ACVR2B: variants seen among roughly 807,000 people sequenced by gnomAD.
ACVR2B encodes the protein activin A receptor type 2B.
In ACVR2B, 18 loss-of-function variants were observed where a neutral mutation model predicts 65.1. The ratio of observed to expected loss-of-function variants is 0.28; its 90% CI spans 0.19 to 0.41. The LOEUF (loss-of-function observed/expected upper bound fraction) is 0.41. ACVR2B is among the 10% of genes least tolerant of loss of function. The pLI is 1.00. For synonymous variants in ACVR2B, 298 were observed against 277.7 expected (o/e 1.07, Z -0.73); for missense variants, 482 against 682.7 (o/e 0.71, Z 3.28).
In ACVR2B at chr3:38,454,202, A is replaced by G; in HGVS notation, c.-121A>G. ...ACGAAGGCGCAGGAAGCGCGCAGGGAACGAGACCGAAGGAAGGAGCGGGAA... is the reference window on the plus strand; with the variant it reads ...ACGAAGGCGCAGGAAGCGCGCAGGGGACGAGACCGAAGGAAGGAGCGGGAA... On this transcript the variant is annotated 5_prime_UTR_variant, in exon 1 of 11. Coordinates refer to ENST00000352511, the MANE Select transcript of ACVR2B (RefSeq NM_001106.4). 1.4e-6 allele frequency: 1 copy of G among 724,150 alleles called. No homozygotes were observed. Among genetic ancestry groups the G allele is most frequent in the Non-Finnish European group, 1.8e-6 (1 of 554,864 alleles). 44.9% of individuals were successfully genotyped at this position (724,150 alleles called of 1,614,324 possible). A position where few individuals can be genotyped will look rare whatever the true frequency, so the allele number is the denominator to read the frequency against.
intron 5 of ACVR2B, 137 bp downstream of exon 5, chr3:38,478,655 A>T: frequency 8.3e-7 from 1 of 1,205,098 alleles, no homozygotes. Context: ...GGGCCTAGTT[A>T]CTCATGTTAC....
At chr3:38,478,755 C>T (rs1709960451) in intron 5 of ACVR2B, among the ~76,000 whole-genome samples, 1 of 152,108 alleles carries the variant, frequency 6.6e-6, no homozygotes, top group Non-Finnish European at 1.5e-5. Flanking sequence ...GCCCCGGTTA[C>T]CAGGGTTTTG....
chr3:38,491,243 C>G lies in ACVR2B; in HGVS notation c.*7911C>G, dbSNP rs751170045. The G allele has an allele frequency of 1.3e-5, 2 of 152,544 alleles. No homozygotes were observed. The highest frequency in any genetic ancestry group is 1.3e-4 in the Admixed American group (2 of 15,280). 9.4% of individuals were successfully genotyped at this position (152,544 alleles called of 1,614,324 possible). A position where few individuals can be genotyped will look rare whatever the true frequency, so the allele number is the denominator to read the frequency against. On this transcript the variant is annotated 3_prime_UTR_variant, in exon 11 of 11. Transcript: ENST00000352511. ...TTTAATTAACCAGCAGTCACCGCATCTGAATTTTTGTCTCTGGGGCATAGA... is the reference window on the plus strand; with the variant it reads ...TTTAATTAACCAGCAGTCACCGCATGTGAATTTTTGTCTCTGGGGCATAGA...
rs2125733931 is a variant in ACVR2B, at chr3:38,492,514, T to A, written c.*9182T>A. ...TTGGCTCAAATAAGTACTGTTTGTA[T>A]ACCAGGATATGTGAGATGTAAATGT... On this transcript the variant is annotated 3_prime_UTR_variant, in exon 11 of 11. Coordinates refer to ENST00000352511, the MANE Select transcript of ACVR2B (RefSeq NM_001106.4). 1 of 152,400 alleles carries A rather than the reference T, an allele frequency of 6.6e-6. No homozygotes were observed. Among genetic ancestry groups the A allele is most frequent in the African/African-American group, 2.4e-5 (1 of 41,558 alleles). 9.4% of individuals were successfully genotyped at this position (152,400 alleles called of 1,614,324 possible). A position where few individuals can be genotyped will look rare whatever the true frequency, so the allele number is the denominator to read the frequency against.
intron 1 of ACVR2B, among the ~76,000 whole-genome samples, chr3:38,472,673 G>C (rs755419215): frequency 1.3e-5 from 2 of 152,098 alleles, no homozygotes; most frequent in Non-Finnish European, 2.9e-5. Flanking sequence ...CTGGCTGCTG[G>C]GGTCACAGTT....
Position 38,487,158 on chromosome 3 carries a change from A to G in ACVR2B, c.*3826A>G, listed in dbSNP as rs1710137270. 1 of 152,360 alleles carries G rather than the reference A, an allele frequency of 6.6e-6. No homozygotes were observed. Among genetic ancestry groups the G allele is most frequent in the Non-Finnish European group, 1.5e-5 (1 of 68,158 alleles). 9.4% of individuals were successfully genotyped at this position (152,360 alleles called of 1,614,324 possible). A position where few individuals can be genotyped will look rare whatever the true frequency, so the allele number is the denominator to read the frequency against. On this transcript the variant is annotated 3_prime_UTR_variant, in exon 11 of 11. Coordinates refer to ENST00000352511, the MANE Select transcript of ACVR2B (RefSeq NM_001106.4). ...GCTCTGGAGAGGAGCCTGTGGGACCAGTCCTGCCTGGGGAGGGCATACCCA... is the reference window on the plus strand; with the variant it reads ...GCTCTGGAGAGGAGCCTGTGGGACCGGTCCTGCCTGGGGAGGGCATACCCA...
chr3:38,482,987 C>A (rs910687467), intron 10 of ACVR2B, 151 bp from the exon 11 acceptor site: 3 of 886,352 alleles, frequency 3.4e-6, no homozygotes, highest in Non-Finnish European at 5.6e-6. Context: ...TGAAGTTTTC[C>A]CCAGGCCTCT....
At chr3:38,463,073 A>G (rs1709674623) in intron 1 of ACVR2B, among the ~76,000 whole-genome samples, 2 of 152,136 alleles carry the variant, frequency 1.3e-5, no homozygotes, top group South Asian at 2.1e-4. Context: ...GGCTTAATGT[A>G]TGAGGAGACC....
intron 7 of ACVR2B, among the ~76,000 whole-genome samples, chr3:38,480,354 C>T (rs1709996992): frequency 6.6e-6 from 1 of 152,196 alleles, no homozygotes; most frequent in African/African-American, 2.4e-5. Flanking sequence ...CCTCGAACCA[C>T]CCTTTAAGAA....
At chr3:38,467,732 A>G (rs1709756090) in intron 1 of ACVR2B, among the ~76,000 whole-genome samples, 1 of 143,626 alleles carries the variant, frequency 7.0e-6, no homozygotes, top group Admixed American at 7.3e-5. Flanking sequence ...AGCCTAGGTC[A>G]CAGAGCAAGA....
chr3:38,465,397 C>CAAAAAAAA (rs71085325), intron 1 of ACVR2B, among the ~76,000 whole-genome samples: 3 of 90,280 alleles, frequency 3.3e-5, no homozygotes, highest in African/African-American at 1.4e-4. Context: ...GATTCCATCT[C>CAAAAAAAA]AAAAAAAAAA....
Position 38,484,586 on chromosome 3 carries a change from T to C in ACVR2B, c.*1254T>C, listed in dbSNP as rs1168538418. On this transcript the variant is annotated 3_prime_UTR_variant, in exon 11 of 11. Coordinates refer to ENST00000352511, the MANE Select transcript of ACVR2B (RefSeq NM_001106.4). ...CTGTTTTTCTATTATGCCATAACCT[T>C]GCTCTAGTCAGTGAATGTTCCTAAT... The C allele has an allele frequency of 2.0e-5, 3 of 152,664 alleles. No homozygotes were observed. The highest frequency in any genetic ancestry group is 7.2e-5 in the African/African-American group (3 of 41,464). The allele number at this position is 152,664 out of a possible 1,614,324, so 9.5% of individuals were successfully genotyped here.
rs1710055456 is a variant in ACVR2B at position 38,483,395 on chromosome 3, G to A, written c.*63G>A. The A allele has an allele frequency of 5.1e-6, 8 of 1,580,860 alleles. No homozygotes were observed. Among genetic ancestry groups the A allele is most frequent in the Non-Finnish European group, 6.9e-6 (8 of 1,152,138 alleles). ...TGAAGAAAAAAGGAAAAAAAGTTGTGTTTTGTTTTGGAAATCCCATAAAAC... is the reference window on the plus strand; with the variant it reads ...TGAAGAAAAAAGGAAAAAAAGTTGTATTTTGTTTTGGAAATCCCATAAAAC... On this transcript the variant is annotated 3_prime_UTR_variant, in exon 11 of 11. Coordinates refer to ENST00000352511, the MANE Select transcript of ACVR2B (RefSeq NM_001106.4). This position sits in a 1 kb window ranked among gnomAD's most constrained non-coding sequence, Gnocchi z 4.8.
rs1710142220 is a variant in ACVR2B at position 38,487,420 on chromosome 3, C to T, written c.*4088C>T. On this transcript the variant is annotated 3_prime_UTR_variant, in exon 11 of 11. Transcript: ENST00000352511. ...AACTTAGACAGCAAAGCACTTCATCCTGTAGTTGGGCTCTGTCACCTTTCT... is the reference window on the plus strand; with the variant it reads ...AACTTAGACAGCAAAGCACTTCATCTTGTAGTTGGGCTCTGTCACCTTTCT... The T allele has an allele frequency of 6.6e-6, 1 of 152,278 alleles. No homozygotes were observed. Among genetic ancestry groups the T allele is most frequent in the East Asian group, 1.9e-4 (1 of 5,184 alleles). The allele number at this position is 152,278 out of a possible 1,614,324, so 9.4% of individuals were successfully genotyped here. A position where few individuals can be genotyped will look rare whatever the true frequency, so the allele number is the denominator to read the frequency against.
In ACVR2B at chr3:38,454,269, G is replaced by A; in HGVS notation, c.-54G>A. 8.3e-7 allele frequency: 1 copy of A among 1,203,282 alleles called. No homozygotes were observed. Among genetic ancestry groups the A allele is most frequent in the South Asian group, 3.2e-5 (1 of 31,032 alleles). 74.5% of individuals were successfully genotyped at this position (1,203,282 alleles called of 1,614,324 possible). A position where few individuals can be genotyped will look rare whatever the true frequency, so the allele number is the denominator to read the frequency against. On this transcript the variant is annotated 5_prime_UTR_variant, in exon 1 of 11. Coordinates refer to ENST00000352511, the MANE Select transcript of ACVR2B (RefSeq NM_001106.4). The stretch of plus-strand genomic sequence containing the variant: ...GCCTGGCCCTGCGCGCCCCGGGAGC[G>A]CCGTGCGGCCCTGCCCGCGGGCTCC...
chr3:38,479,381 C>T, intron 6 of ACVR2B, 110 bp downstream of exon 6: 1 of 1,518,018 alleles, frequency 6.6e-7, no homozygotes, highest in Non-Finnish European at 9.1e-7. Context: ...ATGAAGTACT[C>T]TGCCCCGGTA....
In ACVR2B at chr3:38,484,986, C is replaced by T. The variant is rs765421126; in HGVS notation, c.*1654C>T. On this transcript the variant is annotated 3_prime_UTR_variant, in exon 11 of 11. Transcript: ENST00000352511. Reference sequence around the variant, plus strand: ...ACGCCCCCTTGTAAATAATTGTCATCAACTGTAGGTTGGCTGTCTGGGCCA... The same window carrying T: ...ACGCCCCCTTGTAAATAATTGTCATTAACTGTAGGTTGGCTGTCTGGGCCA... 1.1e-4 allele frequency: 17 copies of T among 152,572 alleles called. No individual in the cohort carries two copies. The highest frequency in any genetic ancestry group is 3.9e-4 in the African/African-American group (16 of 41,442). The allele number at this position is 152,572 out of a possible 1,614,324, so 9.5% of individuals were successfully genotyped here.
rs2125734059 is a variant in ACVR2B at position 38,492,663 on chromosome 3, T to C, written c.*9331T>C. ...TGTTTAAAAAAAATATATATATATA[T>C]ACAGAGTTAAGCTTGTTGCTGTTAC... is the stretch of plus-strand genomic sequence containing the variant. On this transcript the variant is annotated 3_prime_UTR_variant, in exon 11 of 11. Transcript: ENST00000352511. 2 of 151,016 alleles carry C rather than the reference T, an allele frequency of 1.3e-5. No individual in the cohort carries two copies. Among genetic ancestry groups the C allele is most frequent in the East Asian group, 1.9e-4 (1 of 5,148 alleles). The allele number at this position is 151,016 out of a possible 1,614,324, so 9.4% of individuals were successfully genotyped here.
chr3:38,483,825 TCTC>T lies in ACVR2B; in HGVS notation c.*495_*497del, dbSNP rs1293000950. ...AGGAGTTTCCTCTGCCCTCTGCCCTTCTCCCCTGCCTCCCTCCCTCCCCTCCTT... is the reference window on the plus strand; with the variant it reads ...AGGAGTTTCCTCTGCCCTCTGCCCTTCCCTGCCTCCCTCCCTCCCCTCCTT... On this transcript the variant is annotated 3_prime_UTR_variant, in exon 11 of 11. Coordinates refer to ENST00000352511, the MANE Select transcript of ACVR2B (RefSeq NM_001106.4). The surrounding 1 kb of genome is among the most constrained non-coding windows in gnomAD (Gnocchi z 4.8). 1 of 153,982 alleles carries T rather than the reference TCTC, an allele frequency of 6.5e-6. No homozygotes were observed. Among genetic ancestry groups the T allele is most frequent in the Non-Finnish European group, 1.5e-5 (1 of 68,816 alleles). The allele number at this position is 153,982 out of a possible 1,614,324, so 9.5% of individuals were successfully genotyped here. A position where few individuals can be genotyped will look rare whatever the true frequency, so the allele number is the denominator to read the frequency against.
Sources: allele counts gnomAD v4.1 joint callset (sites outside exome capture counted in the v4.1 genomes callset), GRCh38; gene constraint gnomAD v4.1.1; non-coding constraint Gnocchi (gnomAD v3.1); transcripts MANE v1.5; gene names NCBI Gene and HGNC (gene_info 2026-07-23, HGNC 2026-07-21).